FLVCR2: variants seen among roughly 807,000 people sequenced by gnomAD.
FLVCR2 encodes the protein FLVCR choline and putative heme transporter 2, also known as choline/ethanolamine transporter FLVCR2.
In FLVCR2, 38 loss-of-function variants were observed where a neutral mutation model predicts 48.9. The ratio of observed to expected loss-of-function variants is 0.78; its 90% confidence interval spans 0.60 to 1.02. The LOEUF (loss-of-function observed/expected upper bound fraction) is 1.02. FLVCR2 is among the 50% of genes least tolerant of loss of function. FLVCR2 has a pLI of 0.00. For synonymous variants in FLVCR2, 255 were observed against 257.0 expected (o/e 0.99, Z 0.07); for missense variants, 664 against 663.3 (o/e 1.00, Z -0.01).
At chr14:75,610,580 A>G (rs1212175028) in intron 1 of FLVCR2, among the ~76,000 whole-genome samples, 2 of 152,290 alleles carry the variant, frequency 1.3e-5, no homozygotes, top group East Asian at 3.9e-4. Flanking sequence ...CACAAAGATG[A>G]GGAGGAAACC....
Position 75,646,513 on chromosome 14 carries a change from C to T in FLVCR2, c.*41C>T, listed in dbSNP as rs545448469. 6 of 1,426,118 alleles carry T rather than the reference C, an allele frequency of 4.2e-6. No individual in the cohort carries two copies. The African/African-American group carries it at 4.2e-5, about 10-fold the overall frequency. The allele number at this position is 1,426,118 out of a possible 1,614,324, so 88.3% of individuals were successfully genotyped here. On this transcript the variant is annotated 3_prime_UTR_variant, in exon 10 of 10. Transcript: ENST00000238667. ...AACTCAGGGAACACGAACACCCCAC[C>T]TTTTCCTTCAGCACAGCTCTCACCG...
intron 3 of FLVCR2, among the ~76,000 whole-genome samples, chr14:75,630,775 G>T (rs538405418): frequency 3.1e-4 from 47 of 152,304 alleles, no homozygotes; most frequent in African/African-American, 1.1e-3. Flanking sequence ...CCTCTCTAAA[G>T]CCTGCCTCCT....
chr14:75,645,147 G>A (rs1326929735), intron 9 of FLVCR2, among the ~76,000 whole-genome samples: 1 of 152,018 alleles, frequency 6.6e-6, no homozygotes, highest in African/African-American at 2.4e-5. Flanking sequence ...CCTCATGGCT[G>A]AGGCTGACTT....
At chr14:75,636,547 G>T (rs551337464) in intron 5 of FLVCR2, among the ~76,000 whole-genome samples, 33 of 152,288 alleles carry the variant, frequency 2.2e-4, no homozygotes, top group African/African-American at 7.7e-4. Context: ...TGATTCAGAT[G>T]AATTAGAAAA....
At chr14:75,580,246 A>G (rs1235201691) in intron 1 of FLVCR2, among the ~76,000 whole-genome samples, 1 of 152,222 alleles carries the variant, frequency 6.6e-6, no homozygotes, top group African/African-American at 2.4e-5. Flanking sequence ...TAGAAAGGGT[A>G]GTTCATGTCT....
intron 2 of FLVCR2, among the ~76,000 whole-genome samples, chr14:75,622,484 A>G (rs1180823238): frequency 6.6e-6 from 1 of 152,194 alleles, no homozygotes; most frequent in African/African-American, 2.4e-5. Context: ...CATCAGAAGT[A>G]ATGGGTAGAG....
At position 75,641,232 on chromosome 14, in the gene FLVCR2, T is replaced by C. The variant is rs748515371; in HGVS notation, c.1392T>C (p.Tyr464=). Residue 464 remains tyrosine (Y), a synonymous_variant, in exon 8 of 10, where the codon TAT becomes TAC. Coordinates refer to ENST00000238667, the MANE Select transcript of FLVCR2 (RefSeq NM_017791.3). ...CCCAGGGCCAGATTATTGACAACTA[T>C]GGAACCAAGCCTGGGAACATCTTCC... ...TISQGQIIDN[Y]GTKPGNIFLC... is the part of the protein sequence containing the mutation. 6.8e-6 allele frequency: 11 copies of C among 1,613,984 alleles called. 1 individual carries two copies. In the South Asian group the frequency reaches 8.8e-5, roughly 13 times the overall value.
chr14:75,592,215 A>G (rs905653072), intron 1 of FLVCR2, among the ~76,000 whole-genome samples: 22 of 151,982 alleles, frequency 1.4e-4, no homozygotes, highest in Non-Finnish European at 1.3e-4. Context: ...TGCATGAACA[A>G]TAGTACCATG....
intron 3 of FLVCR2, among the ~76,000 whole-genome samples, chr14:75,627,729 C>T (rs543543026): frequency 1.3e-5 from 2 of 152,338 alleles, no homozygotes; most frequent in East Asian, 3.9e-4. Flanking sequence ...CAGTCAATGG[C>T]ACTGCTTAAC....
chr14:75,617,079 T>C (rs1889638108), intron 1 of FLVCR2, among the ~76,000 whole-genome samples: 1 of 152,120 alleles, frequency 6.6e-6, no homozygotes, highest in Admixed American at 6.6e-5. Flanking sequence ...GGACAGTGGA[T>C]GGTGGAAGAG....
intron 1 of FLVCR2, chr14:75,606,059 G>C: frequency 5.2e-6 from 1 of 191,168 alleles, no homozygotes; most frequent in Non-Finnish European, 1.1e-5. Context: ...TCAGTCTGTC[G>C]CCCAGGCTGG....
At chr14:75,644,807 A>G (rs1890382007) in intron 9 of FLVCR2, among the ~76,000 whole-genome samples, 2 of 152,148 alleles carry the variant, frequency 1.3e-5, no homozygotes, top group African/African-American at 2.4e-5. Context: ...CACACGGCAG[A>G]TCTGGCCAGA....
chr14:75,636,029 G>A (rs1368380283), intron 5 of FLVCR2, among the ~76,000 whole-genome samples: 1 of 152,158 alleles, frequency 6.6e-6, no homozygotes, highest in African/African-American at 2.4e-5. Flanking sequence ...ATCCTCTGGC[G>A]AACAGCAGCC....
At chr14:75,632,768 T>A (rs1890077051) in intron 3 of FLVCR2, 1 of 702,266 alleles carries the variant, frequency 1.4e-6, no homozygotes, top group Non-Finnish European at 2.6e-6. Context: ...CCGGTGGGCA[T>A]TATGGAGTGG....
intron 1 of FLVCR2, among the ~76,000 whole-genome samples, chr14:75,585,392 G>A (rs950766312): frequency 2.0e-5 from 3 of 152,158 alleles, no homozygotes; most frequent in Non-Finnish European, 2.9e-5. Context: ...GGGGCCAAGC[G>A]GGATTGCAGA....
chr14:75,583,123 A>G (rs941083884), intron 1 of FLVCR2, among the ~76,000 whole-genome samples: 16 of 152,208 alleles, frequency 1.1e-4, no homozygotes, highest in African/African-American at 3.9e-4. Context: ...TGAAGGGTGC[A>G]AAGGAATAGT....
chr14:75,642,015 G>A, intron 9 of FLVCR2, 117 bp downstream of exon 9: 3 of 915,932 alleles, frequency 3.3e-6, no homozygotes, highest in Admixed American at 3.5e-5. Flanking sequence ...TCATAGCTGG[G>A]AGACCAGTTC....
At chr14:75,638,795 T>C (rs1890231151) in intron 5 of FLVCR2, among the ~76,000 whole-genome samples, 1 of 152,238 alleles carries the variant, frequency 6.6e-6, no homozygotes, top group Non-Finnish European at 1.5e-5. Flanking sequence ...GATGGCTTCA[T>C]ACTTTACTAG....
chr14:75,616,298 G>A (rs1401257219), intron 1 of FLVCR2, among the ~76,000 whole-genome samples: 2 of 151,488 alleles, frequency 1.3e-5, no homozygotes, highest in African/African-American at 4.9e-5. Context: ...CTGCACTCCA[G>A]CCTGGCGACA....
Sources: allele counts gnomAD v4.1 joint callset (sites outside exome capture counted in the v4.1 genomes callset), GRCh38; gene constraint gnomAD v4.1.1; transcripts MANE v1.5; gene names NCBI Gene and HGNC (gene_info 2026-07-23, HGNC 2026-07-21).